Variants in FSTL5 observed in about 807,000 individuals in gnomAD.
FSTL5 encodes the protein follistatin-related protein 5.
Under a neutral mutation model 89.1 loss-of-function variants are expected in FSTL5, and 62 were observed. The observed-to-expected ratio is 0.70, with a 90% CI of 0.57 to 0.86. The LOEUF is 0.86. FSTL5 is among the 40% of genes least tolerant of loss of function. The probability of loss-of-function intolerance (pLI) is 0.00; values close to 1 mark genes in which losing one functional copy is unlikely to be tolerated. For synonymous variants in FSTL5, 383 were observed against 346.2 expected (o/e 1.11, Z -1.18); for missense variants, 1,057 against 1,001.6 (o/e 1.06, Z -0.75).
At chr4:161,815,258 A>C (rs1730287701) in intron 4 of FSTL5, among the ~76,000 whole-genome samples, 1 of 152,092 alleles carries the variant, frequency 6.6e-6, no homozygotes, top group Non-Finnish European at 1.5e-5. Context: ...GGATACTATA[A>C]ATAGAATGGT....
intron 3 of FSTL5, among the ~76,000 whole-genome samples, chr4:161,937,144 A>G (rs1734455500): frequency 6.6e-6 from 1 of 152,184 alleles, no homozygotes; most frequent in African/African-American, 2.4e-5. Flanking sequence ...AAAATACTGT[A>G]AAAACACAAC....
At chr4:161,751,289 T>C (rs1205031182) in intron 6 of FSTL5, among the ~76,000 whole-genome samples, 6 of 152,188 alleles carry the variant, frequency 3.9e-5, no homozygotes, top group Non-Finnish European at 7.4e-5. Context: ...ACACTTGGTG[T>C]ATAAAAATAA....
At chr4:161,896,733 T>C (rs1733169755) in intron 4 of FSTL5, among the ~76,000 whole-genome samples, 1 of 152,232 alleles carries the variant, frequency 6.6e-6, no homozygotes. Flanking sequence ...AAAATTATTT[T>C]ACAAATTCAA....
intron 2 of FSTL5, among the ~76,000 whole-genome samples, chr4:162,069,063 T>C (rs1436722631): frequency 6.6e-6 from 1 of 152,010 alleles, no homozygotes; most frequent in African/African-American, 2.4e-5. Context: ...GGTGATGCTG[T>C]GGAAAAATAG....
chr4:162,096,201 A>G (rs767689545), intron 2 of FSTL5, among the ~76,000 whole-genome samples: 58 of 151,940 alleles, frequency 3.8e-4, no homozygotes, highest in Middle Eastern at 3.4e-3. Context: ...TTAAATATAT[A>G]TTTCTTTGTT....
intron 11 of FSTL5, among the ~76,000 whole-genome samples, chr4:161,506,185 C>CA (rs1165696453): frequency 6.6e-6 from 1 of 151,440 alleles, no homozygotes; most frequent in Non-Finnish European, 1.5e-5. Flanking sequence ...CCTCCCACCT[C>CA]AGTCTTCTGA....
chr4:161,807,652 G>A (rs1730010990), intron 4 of FSTL5, among the ~76,000 whole-genome samples: 1 of 152,048 alleles, frequency 6.6e-6, no homozygotes, highest in African/African-American at 2.4e-5. Flanking sequence ...ATGAAAAAAC[G>A]AACATGGCTA....
At chr4:162,055,444 G>A (rs1738507980) in intron 2 of FSTL5, among the ~76,000 whole-genome samples, 1 of 151,366 alleles carries the variant, frequency 6.6e-6, no homozygotes, top group African/African-American at 2.4e-5. Flanking sequence ...TTTATGGAAA[G>A]TATAATAAAT....
chr4:162,112,775 T>TCACACACACACACA (rs71598742), intron 1 of FSTL5, among the ~76,000 whole-genome samples: 2,001 of 139,372 alleles, frequency 0.014, 42 homozygotes, highest in African/African-American at 0.034. Flanking sequence ...ACCGACACAA[T>TCACACACACACACA]CACACACACA....
At chr4:161,583,454 C>G (rs185464977) in intron 8 of FSTL5, among the ~76,000 whole-genome samples, 58 of 152,304 alleles carry the variant, frequency 3.8e-4, no homozygotes, top group African/African-American at 1.3e-3. Context: ...TACACTGTAT[C>G]TCCTTTGAGC....
chr4:162,094,639 T>G (rs550930930), intron 2 of FSTL5, among the ~76,000 whole-genome samples: 1 of 152,306 alleles, frequency 6.6e-6, no homozygotes, highest in East Asian at 1.9e-4. Context: ...AGGATTCTAT[T>G]TATTCCATTT....
At chr4:161,867,859 TA>T (rs895036241) in intron 4 of FSTL5, among the ~76,000 whole-genome samples, 6 of 151,916 alleles carry the variant, frequency 3.9e-5, no homozygotes, top group African/African-American at 1.4e-4. Context: ...TCATCTATAA[TA>T]AAAAATTATA....
chr4:162,002,344 T>C (rs1252961084), intron 3 of FSTL5, among the ~76,000 whole-genome samples: 2 of 152,198 alleles, frequency 1.3e-5, no homozygotes, highest in Non-Finnish European at 2.9e-5. Context: ...ATTTCAGGTC[T>C]CTGATTAACC....
intron 7 of FSTL5, among the ~76,000 whole-genome samples, chr4:161,623,353 A>G (rs946091222): frequency 6.6e-6 from 1 of 152,028 alleles, no homozygotes; most frequent in African/African-American, 2.4e-5. Context: ...TGTTATCACT[A>G]TTTAAAGACA....
At chr4:161,690,710 G>T (rs35662346) in intron 6 of FSTL5, among the ~76,000 whole-genome samples, 27,914 of 151,980 alleles carry the variant, frequency 0.18, 2,968 homozygotes, top group Non-Finnish European at 0.25. Context: ...CATAAGTAAA[G>T]TTGTGTCATG....
intron 2 of FSTL5, among the ~76,000 whole-genome samples, chr4:162,054,088 G>A (rs1016698354): frequency 1.3e-5 from 2 of 151,650 alleles, no homozygotes; most frequent in African/African-American, 2.4e-5. Context: ...ACACATTTGA[G>A]CACAATATGC....
chr4:161,817,653 C>T (rs1234561658), intron 4 of FSTL5, among the ~76,000 whole-genome samples: 2 of 152,092 alleles, frequency 1.3e-5, no homozygotes, highest in East Asian at 3.9e-4. Flanking sequence ...TTAAGTTTTA[C>T]AGAGATTTCA....
rs141598772 is a variant in FSTL5 at position 161,942,817 on chromosome 4, G to T, written c.161-22165C>A. On this transcript the variant is annotated intron_variant, in intron 3 of 15. Coordinates refer to ENST00000306100, the MANE Select transcript of FSTL5 (RefSeq NM_020116.5). The stretch of plus-strand genomic sequence containing the variant: ...AGTTCCAGCAAACACTGCACTAAAA[G>T]ATCTAGACAAAGCAATTGGGAGAGG... 6.0e-3 allele frequency among the ~76,000 whole-genome samples: 918 copies of T among 152,168 alleles called. 7 individuals are homozygous for T. Among genetic ancestry groups the T allele is most frequent in the Non-Finnish European group, 0.011 (716 of 67,990 alleles).
rs182384320 is a variant in FSTL5 at position 161,453,101 on chromosome 4, C to T, written c.1841+1903G>A. Among the ~76,000 whole-genome samples, 298 of 152,158 alleles carry T rather than the reference C, an allele frequency of 2.0e-3. 1 individual carries two copies. Among genetic ancestry groups the T allele is most frequent in the South Asian group, 3.5e-3 (17 of 4,818 alleles). ...CCACCAAAGTCTATACTCTTGACCCCGGTAGGTATTTTAACATAATGATAA... is the reference window on the plus strand; with the variant it reads ...CCACCAAAGTCTATACTCTTGACCCTGGTAGGTATTTTAACATAATGATAA... On this transcript the variant is annotated intron_variant, in intron 15 of 15. Transcript: ENST00000306100.
Sources: gnomAD v4.1 joint callset for allele counts (sites outside exome capture counted in the v4.1 genomes callset) on GRCh38, gnomAD v4.1.1 for gene constraint, MANE v1.5 for transcripts, NCBI Gene and HGNC (gene_info 2026-07-23, HGNC 2026-07-21) for gene names.